The following HMGCLL1 variants were observed in gnomAD, a reference collection of about 807,000 sequenced individuals.
HMGCLL1 encodes the protein 3-hydroxy-3-methylglutaryl-CoA lyase like 1.
Under a neutral mutation model 39.1 loss-of-function variants are expected in HMGCLL1, and 36 were observed. The ratio of observed to expected loss-of-function variants is 0.92; its 90% confidence interval spans 0.71 to 1.22. HMGCLL1 has a LOEUF of 1.22. HMGCLL1 is among the 50% of genes most tolerant of loss of function. The pLI, the probability that HMGCLL1 is intolerant of heterozygous loss-of-function variation, is 0.00. For synonymous variants in HMGCLL1, 149 were observed against 144.0 expected (o/e 1.03, Z -0.25); for missense variants, 451 against 416.5 (o/e 1.08, Z -0.72).
At chr6:55,606,763 C>T in the HMGCLL1 span, among the ~76,000 whole-genome samples, 5 of 152,110 alleles carry the variant, frequency 3.3e-5, no homozygotes, top group Admixed American at 2.0e-4. Flanking sequence ...AGGGACTTTA[C>T]GCATGTGATT....
Position 55,579,082 on chromosome 6 carries a change from AG to A in HMGCLL1, c.-28del. On this transcript the variant is annotated 5_prime_UTR_variant, in exon 1 of 9. Coordinates refer to ENST00000274901, the MANE Select transcript of HMGCLL1 (RefSeq NM_001042406.2). ...GCGGAGCCTGGGGCGGCAGTCGGCG[AG>A]GGGAGGGAGACTGGAGGAGGATGAG... 2 of 1,541,234 alleles carry A rather than the reference AG, an allele frequency of 1.3e-6. No individual in the cohort carries two copies. The highest frequency in any genetic ancestry group is 1.8e-6 in the Non-Finnish European group (2 of 1,123,090).
chr6:55,548,426 T>A (rs936367928), intron 1 of HMGCLL1, among the ~76,000 whole-genome samples: 2 of 152,216 alleles, frequency 1.3e-5, no homozygotes, highest in Admixed American at 1.3e-4. Flanking sequence ...ATACATTTCA[T>A]GAACACTTGA....
chr6:55,573,680 GA>G (rs1251117825), intron 1 of HMGCLL1, among the ~76,000 whole-genome samples: 12 of 151,998 alleles, frequency 7.9e-5, no homozygotes, highest in Non-Finnish European at 1.8e-4. Context: ...ATGAATGTAA[GA>G]AACAAATAAG....
intron 3 of HMGCLL1, among the ~76,000 whole-genome samples, chr6:55,524,363 T>C (rs9475339): frequency 0.68 from 102,289 of 150,546 alleles, 34,823 homozygotes; most frequent in Admixed American, 0.72. Context: ...TTGTAATATG[T>C]GTTAACTTTT....
intron 7 of HMGCLL1, among the ~76,000 whole-genome samples, chr6:55,470,634 C>A (rs908937818): frequency 2.6e-5 from 4 of 151,646 alleles, no homozygotes; most frequent in African/African-American, 9.7e-5. Context: ...TAATTTTAGT[C>A]ACCATGCAGT....
the HMGCLL1 span, among the ~76,000 whole-genome samples, chr6:55,648,431 G>A: frequency 2.0e-5 from 2 of 100,592 alleles, no homozygotes; most frequent in African/African-American, 4.3e-5. Context: ...CCAGGAGCTG[G>A]TTTTTTGAAA....
upstream of HMGCLL1, among the ~76,000 whole-genome samples, chr6:55,580,766 A>G (rs1044446297): frequency 6.6e-6 from 1 of 152,060 alleles, no homozygotes; most frequent in East Asian, 1.9e-4. Flanking sequence ...AAGTTATCCA[A>G]TTCCTGGATG....
chr6:55,542,227 T>C, intron 1 of HMGCLL1, 87 bp from the exon 2 acceptor site: 1 of 749,788 alleles, frequency 1.3e-6, no homozygotes, highest in Non-Finnish European at 2.3e-6. Context: ...TGCACTTTGT[T>C]ATACTCTTAC....
chr6:55,558,370 G>A (rs1180290677), intron 1 of HMGCLL1, among the ~76,000 whole-genome samples: 1 of 152,032 alleles, frequency 6.6e-6, no homozygotes, highest in Non-Finnish European at 1.5e-5. Flanking sequence ...TGTTTGAGGT[G>A]GTCCTGGTTT....
chr6:55,533,100 A>G (rs1312722859), intron 3 of HMGCLL1, among the ~76,000 whole-genome samples: 1 of 151,448 alleles, frequency 6.6e-6, no homozygotes, highest in Non-Finnish European at 1.5e-5. Context: ...TCAGGAATTT[A>G]TATCATCACT....
At chr6:55,547,231 C>G (rs574466464) in intron 1 of HMGCLL1, among the ~76,000 whole-genome samples, 1 of 152,032 alleles carries the variant, frequency 6.6e-6, no homozygotes, top group Non-Finnish European at 1.5e-5. Flanking sequence ...ATGTGCTTCA[C>G]TCACATTTTT....
the HMGCLL1 span, among the ~76,000 whole-genome samples, chr6:55,588,288 G>A: frequency 6.6e-6 from 1 of 151,822 alleles, no homozygotes; most frequent in East Asian, 1.9e-4. Context: ...ACTGAACAAC[G>A]TGCTCCTCAA....
chr6:55,455,072 A>G (rs1196140883), intron 7 of HMGCLL1, among the ~76,000 whole-genome samples: 3 of 152,028 alleles, frequency 2.0e-5, no homozygotes, highest in African/African-American at 7.2e-5. Context: ...ATACCACTGC[A>G]CTCCAGCCTG....
intron 3 of HMGCLL1, among the ~76,000 whole-genome samples, chr6:55,538,736 G>T (rs1170349491): frequency 6.6e-6 from 1 of 151,924 alleles, no homozygotes; most frequent in African/African-American, 2.4e-5. Flanking sequence ...ACTGAGAAAT[G>T]GGTGTACAGT....
the HMGCLL1 span, among the ~76,000 whole-genome samples, chr6:55,645,696 C>T: frequency 1.6e-4 from 25 of 151,816 alleles, 1 homozygote; most frequent in African/African-American, 4.3e-4. Context: ...ATGATGATTC[C>T]GTTGATTGAT....
intron 5 of HMGCLL1, among the ~76,000 whole-genome samples, chr6:55,504,756 A>G (rs924936879): frequency 6.6e-6 from 1 of 151,648 alleles, no homozygotes; most frequent in Non-Finnish European, 1.5e-5. Flanking sequence ...ACTGTATTCA[A>G]TTGCTATTTC....
At chr6:55,608,279 G>A in the HMGCLL1 span, among the ~76,000 whole-genome samples, 2,957 of 152,126 alleles carry the variant, frequency 0.019, 117 homozygotes, top group African/African-American at 0.067. Context: ...TACATATATC[G>A]TCTTTAAAGA....
At chr6:55,572,686 G>A (rs1030701772) in intron 1 of HMGCLL1, among the ~76,000 whole-genome samples, 2 of 151,962 alleles carry the variant, frequency 1.3e-5, no homozygotes, top group African/African-American at 4.8e-5. Flanking sequence ...CAAGTAGTAT[G>A]GTAAATGAAT....
chr6:55,468,810 T>C (rs1254235573), intron 7 of HMGCLL1, among the ~76,000 whole-genome samples: 3 of 151,950 alleles, frequency 2.0e-5, no homozygotes, highest in African/African-American at 7.2e-5. Flanking sequence ...TTTTACCACC[T>C]AACATATACC....
Sources: gnomAD v4.1 joint callset for allele counts (sites outside exome capture counted in the v4.1 genomes callset) on GRCh38, gnomAD v4.1.1 for gene constraint, MANE v1.5 for transcripts, NCBI Gene and HGNC (gene_info 2026-07-23, HGNC 2026-07-21) for gene names.